Variants in ATMIN observed in about 807,000 individuals in gnomAD.
ATMIN encodes the protein ATM interactor.
In ATMIN, 24 loss-of-function variants were observed where a neutral mutation model predicts 49.2. The ratio of observed to expected loss-of-function variants is 0.49; its 90% CI spans 0.35 to 0.69. The LOEUF is 0.69. Ranked by LOEUF, ATMIN falls within the 30% of genes least tolerant of loss-of-function variation. ATMIN has a pLI of 0.00. For synonymous variants in ATMIN, 450 were observed against 392.5 expected, an observed-to-expected ratio of 1.15 and a Z score of -1.73; for missense variants, 1,037 against 1,005.5, an observed-to-expected ratio of 1.03 and a Z score of -0.42.
Position 81,042,499 on chromosome 16 carries a change from T to G in ATMIN, c.662+19T>G, listed in dbSNP as rs1283657320. ...AACACAGGTGAAGGGAAAGAAATGA[T>G]GGCACAGAAGTCAGTAGCTATGGGA... On this transcript the variant is annotated intron_variant, in intron 3 of 3. Coordinates refer to ENST00000299575, the MANE Select transcript of ATMIN (RefSeq NM_015251.3). The G allele has an allele frequency of 1.2e-6, 2 of 1,611,630 alleles. No homozygotes were observed. Among genetic ancestry groups the G allele is most frequent in the African/African-American group, 1.3e-5 (1 of 74,798 alleles).
intron 1 of ATMIN, among the ~76,000 whole-genome samples, chr16:81,040,009 AG>A (rs1971012525): frequency 6.6e-6 from 1 of 152,194 alleles, no homozygotes; most frequent in African/African-American, 2.4e-5. Context: ...TTTTTGCTAC[AG>A]TTCTTACAAT....
intron 1 of ATMIN, 87 bp from the exon 2 acceptor site, chr16:81,041,269 G>T (rs1971032372): frequency 1.4e-6 from 2 of 1,388,802 alleles, no homozygotes; most frequent in South Asian, 1.4e-5. Context: ...TTCACAAAAT[G>T]TGCTCGTTTT....
chr16:81,044,435 A>G lies in ATMIN; in HGVS notation c.1937A>G (p.Asn646Ser). 2 of 1,614,100 alleles carry G rather than the reference A, an allele frequency of 1.2e-6. No homozygotes were observed. The highest frequency in any genetic ancestry group is 1.7e-6 in the Non-Finnish European group (2 of 1,180,008). ...ATCGAAGAGTTCTTTTCGGCCTCAAATATCCAGACTCAAACTGAAGAGAGT... is the reference window on the plus strand; with the variant it reads ...ATCGAAGAGTTCTTTTCGGCCTCAAGTATCCAGACTCAAACTGAAGAGAGT... Reference protein sequence around the residue: ...FDIEEFFSASNIQTQTEESEL... With the variant: ...FDIEEFFSASSIQTQTEESEL... Residue 646 changes from asparagine (N) to serine (S), a missense_variant, in exon 4 of 4, where the codon AAT (asparagine) becomes AGT (serine). Coordinates refer to ENST00000299575, the MANE Select transcript of ATMIN (RefSeq NM_015251.3).
chr16:81,042,218 G>A, intron 2 of ATMIN, 63 bp from the exon 3 acceptor site: 1 of 1,408,594 alleles, frequency 7.1e-7, no homozygotes. Context: ...GGTGTATGAT[G>A]GTTTCTGAAA....
At chr16:81,041,983 A>G (rs1198370931) in intron 2 of ATMIN, among the ~76,000 whole-genome samples, 3 of 152,204 alleles carry the variant, frequency 2.0e-5, no homozygotes, top group Admixed American at 1.3e-4. Flanking sequence ...TGAGAAGAGC[A>G]TTGTAAAGAC....
rs34093092 is a variant in ATMIN, at chr16:81,045,977, C to CAAA, written c.*1018_*1020dup. The CAAA allele has an allele frequency of 1.2e-4, 17 of 143,176 alleles. No individual in the cohort carries two copies. The highest frequency in any genetic ancestry group is 2.0e-4 in the East Asian group (1 of 4,914). The allele number at this position is 143,176 out of a possible 1,614,324, so 8.9% of individuals were successfully genotyped here. On this transcript the variant is annotated 3_prime_UTR_variant, in exon 4 of 4. Coordinates refer to ENST00000299575, the MANE Select transcript of ATMIN (RefSeq NM_015251.3). ...TGGGTAACAGGGCAAGACCCTATCTCAAAAAAAAAAAAAGTCGCCAGCAAC... is the reference window on the plus strand; with the variant it reads ...TGGGTAACAGGGCAAGACCCTATCTCAAAAAAAAAAAAAAAAGTCGCCAGCAAC...
chr16:81,043,854 T>A lies in ATMIN; in HGVS notation c.1356T>A (p.Ser452=). 4 of 1,614,140 alleles carry A rather than the reference T, an allele frequency of 2.5e-6. No individual in the cohort carries two copies. The highest frequency in any genetic ancestry group is 3.4e-6 in the Non-Finnish European group (4 of 1,179,968). ...ATTTGTCGTTTGATTCTCAAGTGTC[T>A]CTTCCCATTAGTGTTCACACTCAGA... The part of the protein sequence containing the change: ...QTDLSFDSQV[S]LPISVHTQTF... Residue 452 remains serine, a synonymous_variant, in exon 4 of 4, where the codon TCT becomes TCA. Coordinates refer to ENST00000299575, the MANE Select transcript of ATMIN (RefSeq NM_015251.3).
chr16:81,042,135 T>C, intron 2 of ATMIN, 146 bp from the exon 3 acceptor site: 1 of 717,196 alleles, frequency 1.4e-6, no homozygotes, highest in Non-Finnish European at 2.3e-6. Context: ...TGTTCCTGCT[T>C]TTACATTCTT....
chr16:81,042,603 G>T, intron 3 of ATMIN, 123 bp downstream of exon 3: 2 of 1,048,694 alleles, frequency 1.9e-6, no homozygotes, highest in Non-Finnish European at 2.7e-6. Flanking sequence ...TGACGTGGAA[G>T]AAGGAAGCTT....
chr16:81,043,163 A>T lies in ATMIN; in HGVS notation c.665A>T (p.Asp222Val), dbSNP rs763442641. 3.8e-6 allele frequency: 6 copies of T among 1,595,016 alleles called. No homozygotes were observed. Among genetic ancestry groups the T allele is most frequent in the Non-Finnish European group, 5.1e-6 (6 of 1,174,114 alleles). ...TGHEIPAEHR[D>V]PPSKKRKMEN... ...TTTTGCTCTGTCATTGTTTTCAGGG[A>T]CCCACCTAGTAAGAAAAGGAAAATG... is the stretch of plus-strand genomic sequence containing the variant. The change falls in exon 4 of 4, where the codon GAC becomes GTC. Residue 222 changes from aspartate to valine, a missense_variant and splice_region_variant. By Grantham distance (152) the Asp-to-Val change is radical. Transcript: ENST00000299575.
chr16:81,036,189 A>G lies in ATMIN; in HGVS notation c.319A>G (p.Lys107Glu). Residue 107 changes from lysine (K) to glutamate (E), a missense_variant, in exon 1 of 4, where the codon AAG becomes GAG. Transcript: ENST00000299575. ...NSPALNMHLV[K>E]SHRLQDGIVN... ...CCCCGCGCTCAACATGCACCTAGTC[A>G]AGAGCCACCGCCTGCAGGTGAGCCC... The G allele has an allele frequency of 6.9e-7, 1 of 1,455,314 alleles. No homozygotes were observed. Among genetic ancestry groups the G allele is most frequent in the South Asian group, 1.2e-5 (1 of 80,006 alleles). The allele number at this position is 1,455,314 out of a possible 1,614,324, so 90.2% of individuals were successfully genotyped here.
Position 81,041,344 on chromosome 16 carries a change from T to G in ATMIN, c.337-12T>G. On this transcript the variant is annotated splice_polypyrimidine_tract_variant and intron_variant, in intron 1 of 3. Transcript: ENST00000299575. The stretch of plus-strand genomic sequence containing the variant: ...TTTGAAATAATAATTTAAAGTAATT[T>G]TCCTTTTGCAGGATGGCATAGTCAA... 6.3e-7 allele frequency: 1 copy of G among 1,593,172 alleles called. No individual in the cohort carries two copies. Among genetic ancestry groups the G allele is most frequent in the Non-Finnish European group, 8.5e-7 (1 of 1,174,406 alleles).
At chr16:81,037,701 T>A (rs1028128523) in intron 1 of ATMIN, among the ~76,000 whole-genome samples, 2 of 152,222 alleles carry the variant, frequency 1.3e-5, no homozygotes, top group South Asian at 2.1e-4. Flanking sequence ...AGTGGCGCCA[T>A]CTCAGCTCAC....
chr16:81,046,690 AC>A lies in ATMIN; in HGVS notation c.*1721del, dbSNP rs1971127880. The A allele has an allele frequency of 6.6e-6, 1 of 151,538 alleles. No individual in the cohort carries two copies. The highest frequency in any genetic ancestry group is 1.5e-5 in the Non-Finnish European group (1 of 67,974). 9.4% of individuals were successfully genotyped at this position (151,538 alleles called of 1,614,324 possible). On this transcript the variant is annotated 3_prime_UTR_variant, in exon 4 of 4. Coordinates refer to ENST00000299575, the MANE Select transcript of ATMIN (RefSeq NM_015251.3). ...CACACACACACACACACACACACAC[AC>A]GACATGCTCCTTTCTGTGGCACATG...
rs1971069858 is a variant in ATMIN, at chr16:81,043,465, T to G, written c.967T>G (p.Ser323Ala). ...GCCTGTCTTTGTGCCTACAGCCGAC[T>G]CCTCAGCCCAGCCTGTGGTGTTAGG... ...VMPVFVPTADSSAQPVVLGVD... is the reference protein window; with the variant it reads ...VMPVFVPTADASAQPVVLGVD... Residue 323 changes from serine to alanine, a missense_variant, in exon 4 of 4, where the codon TCC becomes GCC. Transcript: ENST00000299575. The G allele has an allele frequency of 6.2e-7, 1 of 1,614,164 alleles. No individual in the cohort carries two copies. The highest frequency in any genetic ancestry group is 8.5e-7 in the Non-Finnish European group (1 of 1,180,040).
At chr16:81,038,496 G>T (rs191760426) in intron 1 of ATMIN, among the ~76,000 whole-genome samples, 79 of 152,196 alleles carry the variant, frequency 5.2e-4, no homozygotes, top group Admixed American at 2.8e-3. Context: ...TTGACAAGCA[G>T]ACTGACTTTC....
rs1319873184 is a variant in ATMIN at position 81,044,203 on chromosome 16, A to G, written c.1705A>G (p.Ser569Gly). The change falls in exon 4 of 4, where the codon AGT becomes GGT. Residue 569 changes from serine (S) to glycine (G), a missense_variant. Coordinates refer to ENST00000299575, the MANE Select transcript of ATMIN (RefSeq NM_015251.3). ...IEKSAPIINF[S>G]AQNSMLPSQN... Reference sequence around the variant, plus strand: ...GAAATCTGCACCAATTATAAATTTCAGTGCACAGAATAGTATGCTTCCTTC... The same window carrying G: ...GAAATCTGCACCAATTATAAATTTCGGTGCACAGAATAGTATGCTTCCTTC... The G allele has an allele frequency of 1.2e-6, 2 of 1,614,032 alleles. No homozygotes were observed. The highest frequency in any genetic ancestry group is 2.7e-5 in the African/African-American group (2 of 74,938).
chr16:81,042,565 G>C (rs1971053128), intron 3 of ATMIN, 85 bp downstream of exon 3: 1 of 1,342,570 alleles, frequency 7.4e-7, no homozygotes, highest in East Asian at 2.4e-5. Context: ...AGTGGTGTGG[G>C]GAGGAAAAAG....
At chr16:81,036,716 G>C (rs1283305341) in intron 1 of ATMIN, among the ~76,000 whole-genome samples, 1 of 152,172 alleles carries the variant, frequency 6.6e-6, no homozygotes, top group African/African-American at 2.4e-5. Flanking sequence ...AACTAGAAGA[G>C]AGGGTTTTAA....
Sources: allele counts gnomAD v4.1 joint callset (sites outside exome capture counted in the v4.1 genomes callset), GRCh38; gene constraint gnomAD v4.1.1; transcripts MANE v1.5; gene names NCBI Gene and HGNC (gene_info 2026-07-23, HGNC 2026-07-21).